The following CYP3A7 variants were observed in gnomAD, a reference collection of about 807,000 sequenced individuals.
CYP3A7 encodes cytochrome P450 3A7.
In CYP3A7, 45 loss-of-function variants were observed where a neutral mutation model predicts 55.2. The ratio of observed to expected loss-of-function variants is 0.82; its 90% CI spans 0.64 to 1.05. The LOEUF (loss-of-function observed/expected upper bound fraction) is 1.05. CYP3A7 is among the 50% of genes least tolerant of loss of function. The pLI is 0.00. For synonymous variants in CYP3A7, 180 were observed against 207.4 expected, an observed-to-expected ratio of 0.87 and a Z score of 1.13; for missense variants, 548 against 605.3, an observed-to-expected ratio of 0.91 and a Z score of 0.99.
chr7:99,725,775 G>A (rs560797589), intron 2 of CYP3A7, among the ~76,000 whole-genome samples: 99 of 152,298 alleles, frequency 6.5e-4, no homozygotes, highest in Non-Finnish European at 9.3e-4. Context: ...GCCCCCCGGA[G>A]AATCACGGAT....
chr7:99,711,866 A>G (rs1813762056), intron 9 of CYP3A7, among the ~76,000 whole-genome samples: 1 of 152,180 alleles, frequency 6.6e-6, no homozygotes, highest in African/African-American at 2.4e-5. Context: ...ATTTCACAAG[A>G]TGTGGTAATT....
At chr7:99,708,861 A>G (rs552146684) in intron 11 of CYP3A7, among the ~76,000 whole-genome samples, 174 bp downstream of exon 11, 17 of 152,238 alleles carry the variant, frequency 1.1e-4, no homozygotes, top group Non-Finnish European at 1.9e-4. Context: ...GTTTTCTTTT[A>G]TCTAGTCTGT....
At chr7:99,709,845 A>G (rs1282663533) in intron 10 of CYP3A7, among the ~76,000 whole-genome samples, 1 of 152,106 alleles carries the variant, frequency 6.6e-6, no homozygotes, top group East Asian at 1.9e-4. Context: ...TATACATAAA[A>G]TGTGGAGAGA....
rs1389404769 is a variant in CYP3A7, at chr7:99,715,825, G to A, written c.603C>T (p.Asp201=). ...VSIDSLNNPQ[D]PFVENTKKLL... ...GCTTCTTGGTGTTTTCCACAAAGGG[G>A]TCTTGTGGATTGTTGAGAGAGTCGA... The change falls in exon 7 of 13, where the codon GAC becomes GAT. Residue 201 remains aspartate, a synonymous_variant. Coordinates refer to ENST00000336374, the MANE Select transcript of CYP3A7 (RefSeq NM_000765.5). 6.8e-6 allele frequency: 11 copies of A among 1,613,800 alleles called. No homozygotes were observed. The South Asian group carries it at 7.7e-5, about 11-fold the overall frequency.
intron 7 of CYP3A7, chr7:99,715,477 G>A (rs45593939): frequency 0.011 from 4,467 of 423,860 alleles, 47 homozygotes; most frequent in Non-Finnish European, 0.014. Context: ...TTTCTATGAA[G>A]TGTCCAGAAT....
At chr7:99,709,777 T>TGTGG (rs1813675890) in intron 10 of CYP3A7, among the ~76,000 whole-genome samples, 1 of 151,498 alleles carries the variant, frequency 6.6e-6, no homozygotes, top group South Asian at 2.1e-4. Context: ...TATATATATG[T>TGTGG]GTGTGTGTGT....
chr7:99,731,244 G>A (rs1255472674), intron 1 of CYP3A7, 92 bp from the exon 2 acceptor site: 6 of 1,422,896 alleles, frequency 4.2e-6, no homozygotes, highest in Admixed American at 3.6e-5. Flanking sequence ...GGAATGATCA[G>A]GCAAAGGAGG....
chr7:99,735,185 C>G lies in CYP3A7; in HGVS notation c.-92G>C. The G allele has an allele frequency of 6.6e-7, 1 of 1,526,242 alleles. No homozygotes were observed. The highest frequency in any genetic ancestry group is 9.0e-7 in the Non-Finnish European group (1 of 1,108,394). 94.5% of individuals were successfully genotyped at this position (1,526,242 alleles called of 1,614,324 possible). ...GCTGTGTGTGTGGAGCTTTCCTGCC[C>G]TGCACAGCAGTGATTCAGTGAGGCT... On this transcript the variant is annotated 5_prime_UTR_variant, in exon 1 of 13. Coordinates refer to ENST00000336374, the MANE Select transcript of CYP3A7 (RefSeq NM_000765.5).
chr7:99,710,746 CTG>C lies in CYP3A7; in HGVS notation c.1010_1011del (p.Thr337SerfsTer5), dbSNP rs773275521. ...TGTCCACTCACCTTATTGGGTAAAA[CTG>C]TATCAATTTCCTTCTGCACTTTCTG... ...VQQKVQKEID[T>X]VLPNKAPPTY... is the part of the protein sequence containing the mutation. On this transcript the variant is annotated frameshift_variant, in exon 10 of 13. Transcript: ENST00000336374. LOFTEE classifies it high-confidence loss of function. The C allele has an allele frequency of 5.0e-6, 8 of 1,613,836 alleles. No individual in the cohort carries two copies. In the East Asian group the frequency reaches 1.6e-4, roughly 31 times the overall value.
At position 99,735,184 on chromosome 7, in the gene CYP3A7, C is replaced by T. The variant is rs55798860; in HGVS notation, c.-91G>A. 9,586 of 1,527,170 alleles carry T rather than the reference C, an allele frequency of 6.3e-3. 95 individuals are homozygous for T. The highest frequency in any genetic ancestry group is 0.03 in the South Asian group (2,644 of 88,108). 94.6% of individuals were successfully genotyped at this position (1,527,170 alleles called of 1,614,324 possible). A position where few individuals can be genotyped will look rare whatever the true frequency, so the allele number is the denominator to read the frequency against. The stretch of plus-strand genomic sequence containing the variant: ...GGCTGTGTGTGTGGAGCTTTCCTGC[C>T]CTGCACAGCAGTGATTCAGTGAGGC... On this transcript the variant is annotated 5_prime_UTR_variant, in exon 1 of 13. Transcript: ENST00000336374.
At chr7:99,731,828 TTAGC>T (rs1814639433) in intron 1 of CYP3A7, among the ~76,000 whole-genome samples, 1 of 152,198 alleles carries the variant, frequency 6.6e-6, no homozygotes, top group Non-Finnish European at 1.5e-5. Context: ...CGAGCACCTT[TTAGC>T]TACACCTCAG....
intron 12 of CYP3A7, 132 bp from the exon 13 acceptor site, chr7:99,705,727 T>A: frequency 8.8e-7 from 1 of 1,132,894 alleles, no homozygotes; most frequent in South Asian, 1.4e-5. Flanking sequence ...GCACTATAAA[T>A]CTTGGATTCG....
rs763525909 is a variant in CYP3A7 at position 99,717,193 on chromosome 7, G to C, written c.505C>G (p.Pro169Ala). ...NLRREAETGKPVTLKHVFGAY... is the reference protein window; with the variant it reads ...NLRREAETGKAVTLKHVFGAY... ...CCTACTTACTGTTTCAAGGTGACAG[G>C]CTTGCCTGTCTCTGCTTCCCGCCTC... The change falls in exon 6 of 13, where the codon CCT becomes GCT. Residue 169 changes from proline (P) to alanine (A), a missense_variant. Coordinates refer to ENST00000336374, the MANE Select transcript of CYP3A7 (RefSeq NM_000765.5). 3 of 1,613,900 alleles carry C rather than the reference G, an allele frequency of 1.9e-6. No homozygotes were observed. The Admixed American group carries it at 5.0e-5, about 27-fold the overall frequency.
intron 5 of CYP3A7, 122 bp downstream of exon 5, chr7:99,717,404 A>G: frequency 6.3e-7 from 1 of 1,582,028 alleles, no homozygotes; most frequent in Non-Finnish European, 8.7e-7. Flanking sequence ...TAAAAAGACT[A>G]TTTTTAGGAA....
chr7:99,721,003 A>C (rs1814175893), intron 3 of CYP3A7: 1 of 154,202 alleles, frequency 6.5e-6, no homozygotes, highest in African/African-American at 2.4e-5. Context: ...AAATACAAAC[A>C]GGCAAAACCT....
Position 99,709,769 on chromosome 7 carries a change from T to C in CYP3A7, c.1027-508A>G, listed in dbSNP as rs534216689. Among the ~76,000 whole-genome samples the C allele has an allele frequency of 4.6e-3, 310 of 67,126 alleles. 1 individual carries two copies. Among genetic ancestry groups the C allele is most frequent in the African/African-American group, 9.1e-3 (301 of 32,898 alleles). The allele number at this position is 67,126 out of a possible 152,430, so 44.0% of individuals were successfully genotyped here. A position where few individuals can be genotyped will look rare whatever the true frequency, so the allele number is the denominator to read the frequency against. ...CAGTTACAAAGCAGGATTTGTATTATATATATGTGTGTGTGTGTGTATATA... is the reference window on the plus strand; with the variant it reads ...CAGTTACAAAGCAGGATTTGTATTACATATATGTGTGTGTGTGTGTATATA... On this transcript the variant is annotated intron_variant, in intron 10 of 12. Coordinates refer to ENST00000336374, the MANE Select transcript of CYP3A7 (RefSeq NM_000765.5).
At chr7:99,731,939 GA>G (rs1814645153) in intron 1 of CYP3A7, among the ~76,000 whole-genome samples, 1 of 152,156 alleles carries the variant, frequency 6.6e-6, no homozygotes, top group Non-Finnish European at 1.5e-5. Flanking sequence ...TCACAACTAA[GA>G]ACAAGGACAT....
chr7:99,714,368 C>T (rs1813859245), intron 8 of CYP3A7, among the ~76,000 whole-genome samples, 187 bp downstream of exon 8: 1 of 152,140 alleles, frequency 6.6e-6, no homozygotes, highest in South Asian at 2.1e-4. Flanking sequence ...CTGACTCATT[C>T]TCATATCTCC....
intron 2 of CYP3A7, 79 bp downstream of exon 2, chr7:99,730,977 TGAG>T (rs1294627082): frequency 1.3e-6 from 2 of 1,553,798 alleles, no homozygotes; most frequent in Admixed American, 1.7e-5. Flanking sequence ...ACCTTCCTCT[TGAG>T]GAGAAGCATT....
Sources: allele counts gnomAD v4.1 joint callset (sites outside exome capture counted in the v4.1 genomes callset), GRCh38; gene constraint gnomAD v4.1.1; transcripts MANE v1.5; gene names NCBI Gene and HGNC (gene_info 2026-07-23, HGNC 2026-07-21).